NRCAM: variants seen among roughly 807,000 people sequenced by gnomAD.
NRCAM encodes the protein NgCAM-related cell adhesion molecule.
A neutral mutation model predicts 156.5 loss-of-function variants in NRCAM; 83 were observed. The observed-to-expected ratio is 0.53, with a 90% CI of 0.44 to 0.64. NRCAM has a LOEUF of 0.64. NRCAM is among the 30% of genes least tolerant of loss of function. The pLI, the probability that NRCAM is intolerant of heterozygous loss-of-function variation, is 0.00. For missense variants in NRCAM, 1,417 were observed against 1,597.3 expected (o/e 0.89, Z 1.92); for synonymous variants, 538 against 563.9 (o/e 0.95, Z 0.65).
intron 2 of NRCAM, among the ~76,000 whole-genome samples, chr7:108,392,939 AG>A (rs2099765304): frequency 6.6e-6 from 1 of 152,072 alleles, no homozygotes; most frequent in Non-Finnish European, 1.5e-5. Flanking sequence ...TTCGTCTCAG[AG>A]GGGTACCCAG....
intron 23 of NRCAM, among the ~76,000 whole-genome samples, chr7:108,182,283 T>TC (rs2063927581): frequency 6.6e-6 from 1 of 152,188 alleles, no homozygotes; most frequent in Non-Finnish European, 1.5e-5. Context: ...GGATTTTTTT[T>TC]TCCCCCCAAA....
At chr7:108,187,416 C>G (rs1331343977) in intron 20 of NRCAM, among the ~76,000 whole-genome samples, 1 of 152,152 alleles carries the variant, frequency 6.6e-6, no homozygotes, top group Admixed American at 6.5e-5. Context: ...GAAAGTTCTT[C>G]CCCTAGACAA....
intron 2 of NRCAM, among the ~76,000 whole-genome samples, chr7:108,324,802 T>A (rs193192690): frequency 2.6e-4 from 39 of 152,136 alleles, no homozygotes; most frequent in Non-Finnish European, 4.4e-5. Context: ...TGCTTTCATA[T>A]GCTGTTATGT....
intron 28 of NRCAM, among the ~76,000 whole-genome samples, chr7:108,174,368 T>C (rs185589509): frequency 1.3e-4 from 20 of 152,346 alleles, no homozygotes; most frequent in Non-Finnish European, 2.5e-4. Flanking sequence ...TCACAGGAGT[T>C]GAATAACATA....
chr7:108,217,755 C>T (rs2090069060), intron 11 of NRCAM, among the ~76,000 whole-genome samples: 1 of 152,148 alleles, frequency 6.6e-6, no homozygotes, highest in Non-Finnish European at 1.5e-5. Context: ...TCAGTAATGG[C>T]AGATGCCCAT....
rs565985620 is a variant in NRCAM, at chr7:108,161,173, G to A, written c.3467-681C>T. On this transcript the variant is annotated intron_variant, in intron 30 of 32. Coordinates refer to ENST00000379028, the MANE Select transcript of NRCAM (RefSeq NM_001037132.4). ...ATCCACCCTCAAAGAATCAATATTC[G>A]TTATTGCTAAGGATCCATTCAAAAG... is the stretch of plus-strand genomic sequence containing the variant. Among the ~76,000 whole-genome samples, 24 of 152,250 alleles carry A rather than the reference G, an allele frequency of 1.6e-4. No individual in the cohort carries two copies. In the South Asian group the frequency reaches 3.9e-3, roughly 25 times the overall value.
At chr7:108,338,373 G>C (rs2099230383) in intron 2 of NRCAM, among the ~76,000 whole-genome samples, 1 of 152,106 alleles carries the variant, frequency 6.6e-6, no homozygotes, top group South Asian at 2.1e-4. Flanking sequence ...ATCTCCAAAG[G>C]GATATAAGGA....
At chr7:108,170,826 T>C (rs897889327) in intron 28 of NRCAM, among the ~76,000 whole-genome samples, 5 of 151,736 alleles carry the variant, frequency 3.3e-5, no homozygotes, top group Admixed American at 6.6e-5. Flanking sequence ...GAGTGTAGAA[T>C]AGTGGTTGCC....
At chr7:108,356,169 G>C (rs1010656803) in intron 2 of NRCAM, among the ~76,000 whole-genome samples, 1 of 152,072 alleles carries the variant, frequency 6.6e-6, no homozygotes, top group African/African-American at 2.4e-5. Context: ...GGCTGGTCTC[G>C]AACTCCTGAC....
chr7:108,170,511 T>A lies in NRCAM; in HGVS notation c.3188-2109A>T, dbSNP rs771754758. ...AGTCTCATCAGAAACTCAAAAAGAA[T>A]GCAACCGTTTGTCTCTCACCTACCT... On this transcript the variant is annotated intron_variant, in intron 28 of 32. Coordinates refer to ENST00000379028, the MANE Select transcript of NRCAM (RefSeq NM_001037132.4). Among the ~76,000 whole-genome samples, 7 of 152,326 alleles carry A rather than the reference T, an allele frequency of 4.6e-5. 1 individual carries two copies. Among genetic ancestry groups the A allele is most frequent in the Admixed American group, 4.6e-4 (7 of 15,298 alleles).
intron 2 of NRCAM, among the ~76,000 whole-genome samples, chr7:108,359,537 G>T (rs548093959): frequency 6.6e-6 from 1 of 152,282 alleles, no homozygotes; most frequent in South Asian, 2.1e-4. Context: ...TATGGAACAC[G>T]TGTGAGAAAG....
At chr7:108,295,682 T>C (rs890973898) in intron 3 of NRCAM, among the ~76,000 whole-genome samples, 1 of 152,258 alleles carries the variant, frequency 6.6e-6, no homozygotes, top group Non-Finnish European at 1.5e-5. Flanking sequence ...ATAGCATTCA[T>C]TGTTTCTTGT....
intron 8 of NRCAM, among the ~76,000 whole-genome samples, chr7:108,230,273 T>C (rs982468620): frequency 9.1e-5 from 13 of 143,154 alleles, no homozygotes; most frequent in Non-Finnish European, 2.0e-4. Context: ...CCTCAAAATA[T>C]ATCCAGAATC....
rs921225660 is a variant in NRCAM, at chr7:108,314,984, A to G, written c.-173-2253T>C. On this transcript the variant is annotated intron_variant, in intron 2 of 32. Coordinates refer to ENST00000379028, the MANE Select transcript of NRCAM (RefSeq NM_001037132.4). Reference sequence around the variant, plus strand: ...ACAGTAAAGGTTAGATTACATTAAGATATCAAGCCTTTGATTGCCCCCACC... The same window carrying G: ...ACAGTAAAGGTTAGATTACATTAAGGTATCAAGCCTTTGATTGCCCCCACC... Among the ~76,000 whole-genome samples the G allele has an allele frequency of 1.5e-4, 23 of 152,240 alleles. No homozygotes were observed. In the East Asian group the frequency reaches 3.9e-3, roughly 26 times the overall value.
chr7:108,182,301 C>CA (rs752851230), intron 23 of NRCAM, among the ~76,000 whole-genome samples: 65 of 151,392 alleles, frequency 4.3e-4, no homozygotes, highest in Non-Finnish European at 8.7e-4. Context: ...AAAATACAGT[C>CA]AGCCCTCTAC....
intron 20 of NRCAM, among the ~76,000 whole-genome samples, chr7:108,188,902 G>C (rs1301359025): frequency 6.6e-6 from 1 of 150,606 alleles, no homozygotes; most frequent in Admixed American, 6.7e-5. Flanking sequence ...GAAAGGAATT[G>C]TCTTCCTGCG....
intron 7 of NRCAM, 83 bp downstream of exon 7, chr7:108,232,243 T>C: frequency 3.1e-6 from 3 of 981,678 alleles, no homozygotes; most frequent in South Asian, 1.7e-5. Flanking sequence ...CTTTGTTGAA[T>C]AGTATTTGGA....
At chr7:108,251,896 T>C (rs1298720177) in intron 3 of NRCAM, among the ~76,000 whole-genome samples, 1 of 152,050 alleles carries the variant, frequency 6.6e-6, no homozygotes, top group Non-Finnish European at 1.5e-5. Context: ...TGAGCTATGA[T>C]TGCATCACTA....
rs1048861500 is a variant in NRCAM, at chr7:108,315,729, G to C, written c.-173-2998C>G. Reference sequence around the variant, plus strand: ...CATGTTATACATCTTGTGGAAGTTAGGGTGGGAGCAAGAAGGGATCCATTC... The same window carrying C: ...CATGTTATACATCTTGTGGAAGTTACGGTGGGAGCAAGAAGGGATCCATTC... On this transcript the variant is annotated intron_variant, in intron 2 of 32. Coordinates refer to ENST00000379028, the MANE Select transcript of NRCAM (RefSeq NM_001037132.4). 2.0e-5 allele frequency among the ~76,000 whole-genome samples: 3 copies of C among 152,210 alleles called. No homozygotes were observed. In the South Asian group the frequency reaches 6.2e-4, roughly 32 times the overall value.
Sources: gnomAD v4.1 joint callset for allele counts (sites outside exome capture counted in the v4.1 genomes callset) on GRCh38, gnomAD v4.1.1 for gene constraint, MANE v1.5 for transcripts, NCBI Gene and HGNC (gene_info 2026-07-23, HGNC 2026-07-21) for gene names.